GUCY1A2: variants seen among roughly 807,000 people sequenced by gnomAD.
GUCY1A2 encodes guanylate cyclase 1 soluble subunit alpha 2, also known as guanylate cyclase soluble subunit alpha-2.
GUCY1A2 carries 27 observed loss-of-function variants against 63.5 expected under a neutral mutation model. The ratio of observed to expected loss-of-function variants is 0.43; its 90% CI spans 0.31 to 0.59. The LOEUF is 0.59. Ranked by LOEUF, GUCY1A2 falls within the 20% of genes least tolerant of loss-of-function variation. The pLI, the probability that GUCY1A2 is intolerant of heterozygous loss-of-function variation, is 0.11. For synonymous variants in GUCY1A2, 364 were observed against 343.5 expected (o/e 1.06, Z -0.66); for missense variants, 768 against 913.3 (o/e 0.84, Z 2.05).
chr11:106,893,996 A>G (rs1860011093), intron 4 of GUCY1A2, among the ~76,000 whole-genome samples: 1 of 152,186 alleles, frequency 6.6e-6, no homozygotes, highest in Non-Finnish European at 1.5e-5. Context: ...CCCATTTAGA[A>G]ATACACCAGA....
At chr11:106,775,400 C>T (rs1014088595) in intron 6 of GUCY1A2, among the ~76,000 whole-genome samples, 2 of 151,624 alleles carry the variant, frequency 1.3e-5, no homozygotes, top group Non-Finnish European at 2.9e-5. Context: ...TTGGCATCCT[C>T]CAGGGGGGAA....
intron 1 of GUCY1A2, among the ~76,000 whole-genome samples, chr11:106,999,144 G>T (rs568376611): frequency 6.6e-6 from 1 of 152,200 alleles, no homozygotes; most frequent in African/African-American, 2.4e-5. Flanking sequence ...ATCAAGAGAG[G>T]TTCTTTTGAA....
chr11:107,006,181 G>A (rs1861669176), intron 1 of GUCY1A2, among the ~76,000 whole-genome samples: 1 of 152,170 alleles, frequency 6.6e-6, no homozygotes, highest in South Asian at 2.1e-4. Flanking sequence ...TCTTTTCCCA[G>A]AATGCAGAGA....
In GUCY1A2 at chr11:106,861,615, T is replaced by A. The variant is rs139607772; in HGVS notation, c.1207-51137A>T. Reference sequence around the variant, plus strand: ...GGATGTTCTTAGGATAATAAATACATCCCTAATTCTGAAGGCAGAGATGTG... The same window carrying A: ...GGATGTTCTTAGGATAATAAATACAACCCTAATTCTGAAGGCAGAGATGTG... On this transcript the variant is annotated intron_variant, in intron 4 of 7. Coordinates refer to ENST00000526355, the MANE Select transcript of GUCY1A2 (RefSeq NM_000855.3). 6.0e-4 allele frequency among the ~76,000 whole-genome samples: 92 copies of A among 152,104 alleles called. 1 individual carries two copies. The highest frequency in any genetic ancestry group is 2.1e-3 in the African/African-American group (87 of 41,526).
intron 3 of GUCY1A2, among the ~76,000 whole-genome samples, chr11:106,974,987 C>G (rs914009473): frequency 1.2e-4 from 18 of 152,102 alleles, no homozygotes; most frequent in African/African-American, 4.3e-4. Flanking sequence ...GTTCTCTAAA[C>G]TACTGTGGGA....
chr11:106,772,957 G>C (rs1278965669), intron 6 of GUCY1A2, among the ~76,000 whole-genome samples: 1 of 152,080 alleles, frequency 6.6e-6, no homozygotes, highest in African/African-American at 2.4e-5. Context: ...ACTTAAACTA[G>C]ATTTTATTTT....
chr11:107,001,399 A>G (rs1267557734), intron 1 of GUCY1A2, among the ~76,000 whole-genome samples: 2 of 152,338 alleles, frequency 1.3e-5, no homozygotes, highest in Middle Eastern at 3.4e-3. Flanking sequence ...TAGAAGATCA[A>G]GCATTCAAGG....
rs533669462 is a variant in GUCY1A2, at chr11:106,746,444, T to C, written c.1836+29995A>G. The C allele has an allele frequency of 7.3e-5, 42 of 574,348 alleles. No homozygotes were observed. In the African/African-American group the frequency reaches 7.4e-4, roughly 10 times the overall value. The allele number at this position is 574,348 out of a possible 1,614,324, so 35.6% of individuals were successfully genotyped here. A position where few individuals can be genotyped will look rare whatever the true frequency, so the allele number is the denominator to read the frequency against. ...ACTACTACAAACAAAAGGATGATGA[T>C]GATATTTGAATAAATGAATAAGGAT... On this transcript the variant is annotated intron_variant, in intron 6 of 7. Transcript: ENST00000526355.
intron 1 of GUCY1A2, among the ~76,000 whole-genome samples, chr11:106,987,476 C>A (rs1041749435): frequency 6.6e-5 from 10 of 152,118 alleles, no homozygotes; most frequent in Non-Finnish European, 1.5e-4. Context: ...ATTGGTGAAA[C>A]CCTGTCTCTA....
At chr11:106,899,631 T>A (rs909508500) in intron 4 of GUCY1A2, among the ~76,000 whole-genome samples, 1 of 152,226 alleles carries the variant, frequency 6.6e-6, no homozygotes, top group African/African-American at 2.4e-5. Context: ...TATTTATAGT[T>A]GTTCTTTAAT....
chr11:106,790,989 T>A (rs1014318296), intron 5 of GUCY1A2, among the ~76,000 whole-genome samples: 2 of 152,298 alleles, frequency 1.3e-5, no homozygotes, highest in Admixed American at 1.3e-4. Flanking sequence ...GCTGCCCAAG[T>A]TGGTATCTCA....
chr11:106,742,102 A>T (rs1339846661), intron 6 of GUCY1A2, among the ~76,000 whole-genome samples: 1 of 152,220 alleles, frequency 6.6e-6, no homozygotes, highest in African/African-American at 2.4e-5. Context: ...TTCACAGTTC[A>T]TGTTGTTATC....
At chr11:106,725,361 A>C (rs1269507444) in intron 6 of GUCY1A2, among the ~76,000 whole-genome samples, 1 of 123,426 alleles carries the variant, frequency 8.1e-6, no homozygotes, top group East Asian at 2.1e-4. Flanking sequence ...TTTAGTAGAG[A>C]CGGGGTTTCA....
At chr11:106,953,209 T>C (rs191198601) in intron 3 of GUCY1A2, among the ~76,000 whole-genome samples, 1 of 152,204 alleles carries the variant, frequency 6.6e-6, no homozygotes, top group South Asian at 2.1e-4. Context: ...CATCAATACC[T>C]AGTTTATTGA....
At chr11:106,796,278 C>A (rs1280761157) in intron 5 of GUCY1A2, among the ~76,000 whole-genome samples, 2 of 152,108 alleles carry the variant, frequency 1.3e-5, no homozygotes, top group Non-Finnish European at 2.9e-5. Flanking sequence ...CAGTCTGTGT[C>A]TTTTATTGGA....
chr11:106,790,016 T>C (rs1864629910), intron 5 of GUCY1A2, among the ~76,000 whole-genome samples: 2 of 152,248 alleles, frequency 1.3e-5, no homozygotes, highest in African/African-American at 4.8e-5. Context: ...GCTACTGCCT[T>C]TGTTTTCTTA....
chr11:106,798,302 C>G (rs1864805297), intron 5 of GUCY1A2, among the ~76,000 whole-genome samples: 1 of 152,058 alleles, frequency 6.6e-6, no homozygotes, highest in African/African-American at 2.4e-5. Context: ...AGTCCAGGAC[C>G]AGACGGATTC....
intron 4 of GUCY1A2, among the ~76,000 whole-genome samples, chr11:106,929,989 G>A (rs1371594057): frequency 2.6e-5 from 4 of 152,076 alleles, no homozygotes; most frequent in Non-Finnish European, 4.4e-5. Flanking sequence ...AGACAGATAT[G>A]CCTTTTAAAT....
At chr11:106,778,310 T>C (rs547911861) in intron 5 of GUCY1A2, among the ~76,000 whole-genome samples, 5 of 152,356 alleles carry the variant, frequency 3.3e-5, no homozygotes, top group Non-Finnish European at 5.9e-5. Flanking sequence ...AACTAATCCT[T>C]TCTTTATTCT....
Sources: gnomAD v4.1 joint callset for allele counts (sites outside exome capture counted in the v4.1 genomes callset) on GRCh38, gnomAD v4.1.1 for gene constraint, MANE v1.5 for transcripts, NCBI Gene and HGNC (gene_info 2026-07-23, HGNC 2026-07-21) for gene names.